The following TNFSF11 variants were observed in gnomAD, a reference collection of about 807,000 sequenced individuals.
The protein encoded by TNFSF11 is tumor necrosis factor ligand superfamily member 11.
TNFSF11 carries 12 observed loss-of-function variants against 32.2 expected under a neutral mutation model. That is an observed-to-expected ratio of 0.37 (90% CI 0.24 to 0.60). The LOEUF is 0.60. TNFSF11 is among the 20% of genes least tolerant of loss of function. TNFSF11 has a pLI of 0.66. For missense variants in TNFSF11, 345 were observed against 398.0 expected (o/e 0.87, Z 1.13); for synonymous variants, 172 against 152.1 (o/e 1.13, Z -0.96).
chr13:42,574,202 C>A lies in TNFSF11; in HGVS notation c.-102C>A. 1 of 1,471,910 alleles carries A rather than the reference C, an allele frequency of 6.8e-7. No homozygotes were observed. The highest frequency in any genetic ancestry group is 9.2e-7 in the Non-Finnish European group (1 of 1,083,576). The allele number at this position is 1,471,910 out of a possible 1,614,324, so 91.2% of individuals were successfully genotyped here. ...CCCAAAGCCGGGCTCCAAGTCGGCGCCCCACGTCGAGGCTCCGCCGCAGCC... is the reference window on the plus strand; with the variant it reads ...CCCAAAGCCGGGCTCCAAGTCGGCGACCCACGTCGAGGCTCCGCCGCAGCC... On this transcript the variant is annotated 5_prime_UTR_variant, in exon 1 of 5. Coordinates refer to ENST00000398795, the MANE Select transcript of TNFSF11 (RefSeq NM_003701.4).
At chr13:42,600,393 T>G (rs1482802888) in intron 2 of TNFSF11, among the ~76,000 whole-genome samples, 1 of 152,240 alleles carries the variant, frequency 6.6e-6, no homozygotes, top group African/African-American at 2.4e-5. Context: ...GGGTCATATA[T>G]TCTGTGTAGT....
chr13:42,594,131 G>A (rs1364964912), intron 2 of TNFSF11, among the ~76,000 whole-genome samples: 3 of 152,062 alleles, frequency 2.0e-5, no homozygotes, highest in African/African-American at 7.2e-5. Flanking sequence ...CCAGGCTGGA[G>A]TGCAGTGGTG....
At chr13:42,600,850 T>G in intron 3 of TNFSF11, 33 bp from the exon 4 acceptor site, 1 of 1,614,134 alleles carries the variant, frequency 6.2e-7, no homozygotes, top group Non-Finnish European at 8.5e-7. Context: ...ACTACTATTT[T>G]GGCTATAATA....
chr13:42,580,488 C>T (rs1006195092), intron 1 of TNFSF11, among the ~76,000 whole-genome samples: 5 of 152,100 alleles, frequency 3.3e-5, no homozygotes, highest in Non-Finnish European at 5.9e-5. Flanking sequence ...CCCAAACACC[C>T]GCTGACAGGT....
At position 42,604,769 on chromosome 13, in the gene TNFSF11, CT is replaced by C. The variant is rs546573045; in HGVS notation, c.533-1720del. On this transcript the variant is annotated intron_variant, in intron 4 of 4. Transcript: ENST00000398795. ...TGGGAAGGTAACTAGTGTGTGTTTCCTTTTTTTTGTTTGTTTTGTTTGTTTG... is the reference window on the plus strand; with the variant it reads ...TGGGAAGGTAACTAGTGTGTGTTTCCTTTTTTTGTTTGTTTTGTTTGTTTG... Among the ~76,000 whole-genome samples, 51 of 151,818 alleles carry C rather than the reference CT, an allele frequency of 3.4e-4. 1 individual carries two copies. In the South Asian group the frequency reaches 7.7e-3, roughly 23 times the overall value.
chr13:42,591,506 G>A (rs1295879768), intron 2 of TNFSF11, among the ~76,000 whole-genome samples: 1 of 152,084 alleles, frequency 6.6e-6, no homozygotes, highest in Non-Finnish European at 1.5e-5. Flanking sequence ...GGCTGAGAAG[G>A]GCAATCCACC....
At chr13:42,596,350 C>T (rs1594475504) in intron 2 of TNFSF11, among the ~76,000 whole-genome samples, 1 of 152,128 alleles carries the variant, frequency 6.6e-6, no homozygotes, top group African/African-American at 2.4e-5. Context: ...TCCTTTTTGT[C>T]AGATCCCAGG....
intron 2 of TNFSF11, among the ~76,000 whole-genome samples, chr13:42,597,072 T>G (rs1199304373): frequency 9.2e-5 from 14 of 152,230 alleles, no homozygotes; most frequent in Admixed American, 8.5e-4. Context: ...AAGAATGTTA[T>G]TTTTATGATT....
intron 1 of TNFSF11, chr13:42,566,534 G>A (rs1326685645): frequency 6.6e-6 from 1 of 152,252 alleles, no homozygotes; most frequent in South Asian, 2.1e-4. Context: ...TATTGAGGAG[G>A]TACAAGAAGC....
At chr13:42,572,647 A>G (rs1380701320), upstream of TNFSF11, among the ~76,000 whole-genome samples, 2 of 152,252 alleles carry the variant, frequency 1.3e-5, no homozygotes, top group African/African-American at 4.8e-5. Context: ...CCACCAACCT[A>G]TATATTGATA....
intron 2 of TNFSF11, among the ~76,000 whole-genome samples, chr13:42,597,693 G>A (rs1449388649): frequency 1.3e-5 from 2 of 152,168 alleles, no homozygotes; most frequent in East Asian, 3.9e-4. Context: ...AAATTCTCAG[G>A]CCCCACCCCA....
At chr13:42,581,707 T>C (rs1000266146) in intron 2 of TNFSF11, among the ~76,000 whole-genome samples, 4 of 152,146 alleles carry the variant, frequency 2.6e-5, no homozygotes, top group African/African-American at 9.7e-5. Context: ...GGGCCCCTTA[T>C]TCCACATCTG....
At position 42,606,997 on chromosome 13, in the gene TNFSF11, G is replaced by A; in HGVS notation, c.*79G>A. 6.3e-7 allele frequency: 1 copy of A among 1,585,356 alleles called. No homozygotes were observed. The highest frequency in any genetic ancestry group is 1.7e-5 in the Admixed American group (1 of 59,498). On this transcript the variant is annotated 3_prime_UTR_variant, in exon 5 of 5. Coordinates refer to ENST00000398795, the MANE Select transcript of TNFSF11 (RefSeq NM_003701.4). The stretch of plus-strand genomic sequence containing the variant: ...AAACAAGCCAAGAAAGATGTATATA[G>A]GTGTGTGAGACTACTAAGAGGCATG...
At chr13:42,592,732 C>T (rs1392096754) in intron 2 of TNFSF11, among the ~76,000 whole-genome samples, 1 of 152,140 alleles carries the variant, frequency 6.6e-6, no homozygotes, top group Admixed American at 6.5e-5. Context: ...CCATAATCCC[C>T]AAGTGTCAAG....
chr13:42,597,340 C>CTTTTTTTTTT (rs774612741), intron 2 of TNFSF11, among the ~76,000 whole-genome samples: 57 of 125,306 alleles, frequency 4.5e-4, no homozygotes, highest in Non-Finnish European at 5.0e-4. Context: ...GCCTTTTGTT[C>CTTTTTTTTTT]TTTTTTTTTT....
upstream of TNFSF11, among the ~76,000 whole-genome samples, chr13:42,570,722 C>T (rs1428264116): frequency 6.6e-6 from 1 of 152,064 alleles, no homozygotes; most frequent in Non-Finnish European, 1.5e-5. Context: ...ATAATACAAT[C>T]ACTCTCAGCT....
At chr13:42,578,943 G>A (rs577794834) in intron 1 of TNFSF11, among the ~76,000 whole-genome samples, 2 of 152,216 alleles carry the variant, frequency 1.3e-5, no homozygotes, top group Admixed American at 1.3e-4. Flanking sequence ...ATATTTTAAA[G>A]CATGACTTCT....
At chr13:42,589,369 C>T (rs1313548146) in intron 2 of TNFSF11, among the ~76,000 whole-genome samples, 2 of 152,208 alleles carry the variant, frequency 1.3e-5, no homozygotes, top group Non-Finnish European at 2.9e-5. Flanking sequence ...CCTCTCTTGC[C>T]TGCATCCTTG....
chr13:42,595,174 G>A (rs1387726278), intron 2 of TNFSF11, among the ~76,000 whole-genome samples: 1 of 152,190 alleles, frequency 6.6e-6, no homozygotes, highest in Non-Finnish European at 1.5e-5. Flanking sequence ...CGTCCACTAG[G>A]TGGCAGTATC....
Sources: gnomAD v4.1 joint callset for allele counts (sites outside exome capture counted in the v4.1 genomes callset) on GRCh38, gnomAD v4.1.1 for gene constraint, MANE v1.5 for transcripts, NCBI Gene and HGNC (gene_info 2026-07-23, HGNC 2026-07-21) for gene names.